Variants in CTPS2 observed in about 807,000 individuals in gnomAD.
The protein encoded by CTPS2 is CTP synthase 2, also known as CTP synthase II.
Under a neutral mutation model 46.8 loss-of-function variants are expected in CTPS2, and 19 were observed. The ratio of observed to expected loss-of-function variants is 0.41; its 90% CI spans 0.28 to 0.60. The LOEUF is 0.60. Among genes scored for constraint, CTPS2 ranks in the 20% least tolerant of loss-of-function variants. CTPS2 has a pLI of 0.35. For synonymous variants in CTPS2, 151 were observed against 165.2 expected (o/e 0.91, Z 0.66); for missense variants, 286 against 447.6 (o/e 0.64, Z 3.26).
chrX:16,590,584 C>T (rs73448212), intron 18 of CTPS2, among the ~76,000 whole-genome samples, 168 bp downstream of exon 18: 1,392 of 110,884 alleles, frequency 0.013, 32 homozygotes, highest in African/African-American at 0.043. Context: ...TCCCCAAACA[C>T]TAACTCTGTC....
At position 16,595,568 on chromosome X, in the gene CTPS2, G is replaced by C. The variant is rs560329698; in HGVS notation, c.1692-4706C>G. Among the ~76,000 whole-genome samples the C allele has an allele frequency of 6.6e-4, 74 of 111,279 alleles. No homozygotes were observed. In the Middle Eastern group the frequency reaches 0.014, roughly 21 times the overall value. ...TGATCTGCCCGCTTCGGCCTCCCAA[G>C]AAGAGGGGAAAATTTTTAAACTGCA... On this transcript the variant is annotated intron_variant, in intron 17 of 18. Coordinates refer to ENST00000359276, the MANE Select transcript of CTPS2 (RefSeq NM_175859.3).
At chrX:16,628,248 A>G (rs1931267333) in intron 14 of CTPS2, among the ~76,000 whole-genome samples, 1 of 111,525 alleles carries the variant, frequency 9.0e-6, no homozygotes, top group South Asian at 3.8e-4. Flanking sequence ...CCCTAATTTT[A>G]TCTTCCTAAT....
chrX:16,631,563 C>T (rs1415732352), intron 14 of CTPS2, among the ~76,000 whole-genome samples: 1 of 111,592 alleles, frequency 9.0e-6, no homozygotes, highest in East Asian at 2.8e-4. Flanking sequence ...AGCATTCCTA[C>T]TAAATTCACA....
chrX:16,615,887 G>C (rs1251491909), intron 16 of CTPS2, among the ~76,000 whole-genome samples: 1 of 112,106 alleles, frequency 8.9e-6, no homozygotes, highest in South Asian at 3.7e-4. Context: ...CTTATGATGG[G>C]TAAGAAGGTC....
intron 1 of CTPS2, among the ~76,000 whole-genome samples, chrX:16,706,118 GAAAGA>G (rs1401354251): frequency 9.3e-5 from 10 of 107,619 alleles, no homozygotes; most frequent in Non-Finnish European, 7.7e-5. Context: ...AAAAAAGAAA[GAAAGA>G]AAAGAAAAGA....
chrX:16,649,435 G>T (rs1316872841), intron 13 of CTPS2, among the ~76,000 whole-genome samples: 1 of 112,332 alleles, frequency 8.9e-6, no homozygotes, highest in African/African-American at 3.2e-5. Context: ...GACATCAGAA[G>T]GACTTCAATG....
rs774836981 is a variant in CTPS2 at position 16,679,173 on chromosome X, C to T, written c.1006-723G>A. On this transcript the variant is annotated intron_variant, in intron 9 of 18. Coordinates refer to ENST00000359276, the MANE Select transcript of CTPS2 (RefSeq NM_175859.3). ...AGGAATTCAAGACCAGCCTGGCCAACGTGGCAAAACCCCGTCTCTACTAAA... is the reference window on the plus strand; with the variant it reads ...AGGAATTCAAGACCAGCCTGGCCAATGTGGCAAAACCCCGTCTCTACTAAA... 8.2e-5 allele frequency among the ~76,000 whole-genome samples: 9 copies of T among 110,420 alleles called. No individual in the cohort carries two copies. In the East Asian group the frequency reaches 2.3e-3, roughly 28 times the overall value.
At chrX:16,597,290 A>T (rs1438258461) in intron 17 of CTPS2, among the ~76,000 whole-genome samples, 1 of 111,706 alleles carries the variant, frequency 9.0e-6, no homozygotes, top group Non-Finnish European at 1.9e-5. Flanking sequence ...CTGAATGGTA[A>T]TGCCTAGGTT....
intron 11 of CTPS2, among the ~76,000 whole-genome samples, chrX:16,668,768 G>A (rs200959442): frequency 2.3e-4 from 14 of 61,434 alleles, no homozygotes; most frequent in South Asian, 9.3e-4. Flanking sequence ...AAGGAAGGAA[G>A]GAAAGGAAGG....
At chrX:16,641,881 T>C (rs184305831) in intron 13 of CTPS2, among the ~76,000 whole-genome samples, 22 of 111,791 alleles carry the variant, frequency 2.0e-4, no homozygotes, top group African/African-American at 7.1e-4. Context: ...GAAAATGCAG[T>C]GGGCATAGGG....
At chrX:16,642,755 G>A (rs1932140839) in intron 13 of CTPS2, among the ~76,000 whole-genome samples, 1 of 112,271 alleles carries the variant, frequency 8.9e-6, no homozygotes, top group Non-Finnish European at 1.9e-5. Context: ...TCCACTAAAA[G>A]CCTGAGAGAC....
intron 6 of CTPS2, 50 bp downstream of exon 6, chrX:16,693,091 C>T: frequency 1.2e-6 from 1 of 812,120 alleles, no homozygotes. Context: ...AAGTGAAGGT[C>T]CTGCTCCCAG....
Position 16,651,561 on chromosome X carries a change from C to G in CTPS2, c.1297-12318G>C, listed in dbSNP as rs879171126. On this transcript the variant is annotated intron_variant, in intron 13 of 18. Transcript: ENST00000359276. ...GTGTATGTAAAATCCCTCAACAAGA[C>G]CAACACTTACTTAGCAGTCTGTTAG... Among the ~76,000 whole-genome samples, 9 of 112,197 alleles carry G rather than the reference C, an allele frequency of 8.0e-5. No individual in the cohort carries two copies. The Admixed American group carries it at 8.5e-4, about 11-fold the overall frequency.
intron 17 of CTPS2, among the ~76,000 whole-genome samples, chrX:16,598,754 A>G (rs1929453570): frequency 9.0e-6 from 1 of 111,229 alleles, no homozygotes; most frequent in Non-Finnish European, 1.9e-5. Context: ...AGACACAACC[A>G]AAAAAGAGAA....
chrX:16,697,432 C>CTTTTT (rs5901594), intron 4 of CTPS2, among the ~76,000 whole-genome samples: 4 of 59,601 alleles, frequency 6.7e-5, no homozygotes, highest in Non-Finnish European at 1.2e-4. Flanking sequence ...TCAAATACGA[C>CTTTTT]TTTTTTTTTT....
At chrX:16,654,496 A>G in intron 13 of CTPS2, 2 of 1,166,044 alleles carry the variant, frequency 1.7e-6, no homozygotes, top group South Asian at 3.7e-5. Context: ...TTAGTAAAAA[A>G]GATATCCCAG....
intron 17 of CTPS2, among the ~76,000 whole-genome samples, chrX:16,598,630 C>A (rs1327750650): frequency 9.2e-6 from 1 of 108,775 alleles, no homozygotes; most frequent in African/African-American, 3.4e-5. Context: ...ACCAGAGGTA[C>A]AAGGAGGAAT....
chrX:16,696,143 G>A (rs1451997704), intron 4 of CTPS2, among the ~76,000 whole-genome samples: 2 of 112,420 alleles, frequency 1.8e-5, no homozygotes, highest in East Asian at 5.5e-4. Flanking sequence ...CAGCTCCACT[G>A]GTATGAGAAG....
intron 17 of CTPS2, among the ~76,000 whole-genome samples, chrX:16,597,369 T>C (rs1929348104): frequency 8.9e-6 from 1 of 112,101 alleles, no homozygotes; most frequent in Admixed American, 9.5e-5. Context: ...TTGATTTTGG[T>C]ATAAGGTGTA....
Sources: gnomAD v4.1 joint callset for allele counts (sites outside exome capture counted in the v4.1 genomes callset) on GRCh38, gnomAD v4.1.1 for gene constraint, MANE v1.5 for transcripts, NCBI Gene and HGNC (gene_info 2026-07-23, HGNC 2026-07-21) for gene names.